ITGA9: variants seen among roughly 807,000 people sequenced by gnomAD.
The protein encoded by ITGA9 is integrin alpha-9.
In ITGA9, 56 loss-of-function variants were observed where a neutral mutation model predicts 127.8. The ratio of observed to expected loss-of-function variants is 0.44; its 90% CI spans 0.35 to 0.55. The LOEUF (loss-of-function observed/expected upper bound fraction) is 0.55, where lower values mean the gene tolerates loss of function less well. Among genes scored for constraint, ITGA9 ranks in the 20% least tolerant of loss-of-function variants. The pLI, the probability that ITGA9 is intolerant of heterozygous loss-of-function variation, is 0.00. For synonymous variants in ITGA9, 508 were observed against 514.5 expected (o/e 0.99, Z 0.17); for missense variants, 1,196 against 1,347.1 (o/e 0.89, Z 1.76).
rs182742567 is a variant in ITGA9 at position 37,634,344 on chromosome 3, A to C, written c.1839+5008A>C. Among the ~76,000 whole-genome samples the C allele has an allele frequency of 1.0e-3, 155 of 152,040 alleles. 1 individual carries two copies. Among genetic ancestry groups the C allele is most frequent in the Admixed American group, 2.8e-3 (42 of 15,272 alleles). ...AAAAAAAAACAAAAAACAAGACCTA[A>C]CTATATGCTGCTTATAAGAGACTCA... On this transcript the variant is annotated intron_variant, in intron 16 of 27. Transcript: ENST00000264741.
At chr3:37,519,596 A>C (rs1295603625) in intron 11 of ITGA9, among the ~76,000 whole-genome samples, 4 of 152,194 alleles carry the variant, frequency 2.6e-5, no homozygotes, top group African/African-American at 4.8e-5. Flanking sequence ...ATAATTTTCA[A>C]CTCTTACTCA....
intron 15 of ITGA9, among the ~76,000 whole-genome samples, chr3:37,565,057 G>A (rs1305875997): frequency 1.3e-5 from 2 of 152,214 alleles, no homozygotes; most frequent in Non-Finnish European, 1.5e-5. Context: ...ACTGGAGTAT[G>A]ACTTCCACCT....
Position 37,550,673 on chromosome 3 carries a change from G to A in ITGA9, c.1689+8088G>A, listed in dbSNP as rs1031543532. 2.0e-5 allele frequency among the ~76,000 whole-genome samples: 3 copies of A among 152,272 alleles called. No homozygotes were observed. In the East Asian group the frequency reaches 5.8e-4, roughly 29 times the overall value. ...TAAAGTATGGTAAAATAATTAGGAA[G>A]TTATGAGTGTTGAGTATTTATTACA... On this transcript the variant is annotated intron_variant, in intron 15 of 27. Transcript: ENST00000264741.
chr3:37,470,140 G>GT (rs71288094), intron 1 of ITGA9, among the ~76,000 whole-genome samples: 12,379 of 133,006 alleles, frequency 0.093, 799 homozygotes, highest in East Asian at 0.16. Flanking sequence ...GTTTCTTCTT[G>GT]TTTTTTTTTT....
intron 9 of ITGA9, 37 bp downstream of exon 9, chr3:37,513,937 G>A: frequency 6.2e-7 from 1 of 1,611,798 alleles, no homozygotes; most frequent in Non-Finnish European, 8.5e-7. Context: ...GATGGGTGTG[G>A]GGGAGGGACA....
At chr3:37,516,085 G>A (rs1325527244) in intron 9 of ITGA9, among the ~76,000 whole-genome samples, 3 of 152,136 alleles carry the variant, frequency 2.0e-5, no homozygotes, top group African/African-American at 4.8e-5. Flanking sequence ...AGACATTTGT[G>A]TAGGAGTCAG....
chr3:37,671,241 T>C (rs1700634754), intron 17 of ITGA9, among the ~76,000 whole-genome samples: 1 of 152,228 alleles, frequency 6.6e-6, no homozygotes, highest in South Asian at 2.1e-4. Flanking sequence ...AAACTACTCC[T>C]AAAGTCAAGG....
At chr3:37,610,834 C>A (rs767824721) in intron 15 of ITGA9, among the ~76,000 whole-genome samples, 4 of 152,160 alleles carry the variant, frequency 2.6e-5, no homozygotes, top group Non-Finnish European at 4.4e-5. Flanking sequence ...ATCCAGTAAA[C>A]CCAAATGCTG....
chr3:37,604,516 A>G (rs1001108355), intron 15 of ITGA9, among the ~76,000 whole-genome samples: 5 of 152,246 alleles, frequency 3.3e-5, no homozygotes, highest in African/African-American at 1.2e-4. Context: ...GATCAGACAC[A>G]TGAGCTAAAC....
intron 3 of ITGA9, among the ~76,000 whole-genome samples, chr3:37,475,625 G>A (rs1698485862): frequency 6.6e-6 from 1 of 152,152 alleles, no homozygotes; most frequent in African/African-American, 2.4e-5. Flanking sequence ...TGAAGTTATT[G>A]CATCATCCAC....
intron 15 of ITGA9, among the ~76,000 whole-genome samples, chr3:37,558,058 G>C (rs535352951): frequency 1.9e-3 from 288 of 152,306 alleles, no homozygotes; most frequent in Non-Finnish European, 3.4e-3. Flanking sequence ...GGTTTCTCCT[G>C]GTCTTGGACG....
At chr3:37,553,821 A>C (rs922248967) in intron 15 of ITGA9, among the ~76,000 whole-genome samples, 2 of 152,220 alleles carry the variant, frequency 1.3e-5, no homozygotes, top group African/African-American at 4.8e-5. Flanking sequence ...TGAGAATAAA[A>C]CATAATATCT....
At chr3:37,514,624 C>T (rs1325242010) in intron 9 of ITGA9, among the ~76,000 whole-genome samples, 2 of 152,186 alleles carry the variant, frequency 1.3e-5, no homozygotes, top group Non-Finnish European at 2.9e-5. Flanking sequence ...GGCTGGAGTG[C>T]AGTGACGCAG....
intron 23 of ITGA9, among the ~76,000 whole-genome samples, chr3:37,754,514 C>T (rs1486280254): frequency 6.6e-6 from 1 of 152,194 alleles, no homozygotes; most frequent in Non-Finnish European, 1.5e-5. Context: ...CCTCCTCCTG[C>T]AAAACCAATT....
At chr3:37,580,399 G>A (rs1699698754) in intron 15 of ITGA9, among the ~76,000 whole-genome samples, 1 of 152,178 alleles carries the variant, frequency 6.6e-6, no homozygotes, top group Non-Finnish European at 1.5e-5. Context: ...CTTCTCAGTC[G>A]GAAAGTGTCT....
intron 22 of ITGA9, among the ~76,000 whole-genome samples, chr3:37,744,821 G>A (rs75907174): frequency 0.019 from 2,883 of 152,314 alleles, 84 homozygotes; most frequent in African/African-American, 0.065. Flanking sequence ...TTTGAATTTC[G>A]TATAATTTTC....
chr3:37,780,938 G>A (rs6777673), intron 25 of ITGA9, among the ~76,000 whole-genome samples: 5,388 of 152,254 alleles, frequency 0.035, 282 homozygotes, highest in South Asian at 0.12. Context: ...GATAATGCCA[G>A]GGTAAAATAC....
intron 6 of ITGA9, among the ~76,000 whole-genome samples, chr3:37,504,286 A>G (rs989415906): frequency 2.6e-5 from 4 of 152,180 alleles, no homozygotes; most frequent in Non-Finnish European, 5.9e-5. Context: ...TTAATTTCTG[A>G]AACAACCTTA....
intron 27 of ITGA9, among the ~76,000 whole-genome samples, chr3:37,817,647 T>G (rs1211734700): frequency 6.6e-6 from 1 of 152,146 alleles, no homozygotes. Flanking sequence ...ATGTCTGACC[T>G]CATAAACAGA....
Sources: allele counts gnomAD v4.1 joint callset (sites outside exome capture counted in the v4.1 genomes callset), GRCh38; gene constraint gnomAD v4.1.1; transcripts MANE v1.5; gene names NCBI Gene and HGNC (gene_info 2026-07-23, HGNC 2026-07-21).